GPATCH8: variants seen among roughly 807,000 people sequenced by gnomAD.
The protein encoded by GPATCH8 is G patch domain-containing protein 8.
A neutral mutation model predicts 118.3 loss-of-function variants in GPATCH8; 18 were observed. The observed-to-expected ratio is 0.15, with a 90% CI of 0.11 to 0.23. GPATCH8 has a LOEUF of 0.23. GPATCH8 is among the 10% of genes least tolerant of loss of function. GPATCH8 has a pLI of 1.00. For synonymous variants in GPATCH8, 659 were observed against 684.7 expected (o/e 0.96, Z 0.59); for missense variants, 1,631 against 1,873.8 (o/e 0.87, Z 2.39).
intron 3 of GPATCH8, among the ~76,000 whole-genome samples, chr17:44,437,409 C>T (rs771330583): frequency 6.6e-6 from 1 of 152,006 alleles, no homozygotes; most frequent in East Asian, 1.9e-4. Flanking sequence ...TACATCACAA[C>T]CTGCGCTTTT....
chr17:44,412,126 T>C (rs2049460985), intron 6 of GPATCH8, among the ~76,000 whole-genome samples: 3 of 152,124 alleles, frequency 2.0e-5, no homozygotes, highest in Admixed American at 6.5e-5. Context: ...TTTCTCCATG[T>C]TGGTCGGGAT....
chr17:44,453,673 C>G (rs946409970), intron 3 of GPATCH8, among the ~76,000 whole-genome samples: 6 of 152,036 alleles, frequency 3.9e-5, no homozygotes, highest in African/African-American at 1.4e-4. Context: ...TAAGGGTGCA[C>G]ATCACCATGC....
intron 6 of GPATCH8, among the ~76,000 whole-genome samples, chr17:44,417,707 T>A (rs1362150507): frequency 1.3e-5 from 2 of 152,158 alleles, no homozygotes; most frequent in African/African-American, 4.8e-5. Flanking sequence ...AGCATAGGCC[T>A]GAGTCACAAA....
At chr17:44,415,949 G>T (rs930992891) in intron 6 of GPATCH8, among the ~76,000 whole-genome samples, 4 of 152,200 alleles carry the variant, frequency 2.6e-5, no homozygotes, top group Non-Finnish European at 5.9e-5. Flanking sequence ...TGTTTTGAGG[G>T]TTACCCCTAA....
intron 3 of GPATCH8, among the ~76,000 whole-genome samples, chr17:44,453,392 A>T (rs898790007): frequency 3.9e-5 from 6 of 152,232 alleles, no homozygotes; most frequent in Admixed American, 2.6e-4. Context: ...GGGGCTTATT[A>T]TAAGATTTAA....
rs368095941 is a variant in GPATCH8, at chr17:44,450,645, T to C, written c.193+13827A>G. Among the ~76,000 whole-genome samples the C allele has an allele frequency of 4.6e-5, 7 of 152,240 alleles. No individual in the cohort carries two copies. The East Asian group carries it at 1.3e-3, about 29-fold the overall frequency. ...TTTCCGAGTGTTTTAAGTGCCATTGTTTTGAATTTTGGTGGTAAATTTTAA... is the reference window on the plus strand; with the variant it reads ...TTTCCGAGTGTTTTAAGTGCCATTGCTTTGAATTTTGGTGGTAAATTTTAA... On this transcript the variant is annotated intron_variant, in intron 3 of 7. Transcript: ENST00000591680.
chr17:44,447,243 C>T (rs1295695473), intron 3 of GPATCH8, among the ~76,000 whole-genome samples: 3 of 151,962 alleles, frequency 2.0e-5, no homozygotes, highest in East Asian at 1.9e-4. Flanking sequence ...CAACCTCTAC[C>T]TCCTGGGTTC....
chr17:44,501,451 TTAACAGGGGTTGGTTCTTTC>T (rs1970062923), intron 1 of GPATCH8, among the ~76,000 whole-genome samples: 1 of 151,972 alleles, frequency 6.6e-6, no homozygotes, highest in African/African-American at 2.4e-5. Flanking sequence ...CTGACCCAAT[TTAACAGGGGTTGGTTCTTTC>T]AACATATAAG....
chr17:44,400,366 G>C lies in GPATCH8; in HGVS notation c.1711C>G (p.Pro571Ala). 1 of 1,613,822 alleles carries C rather than the reference G, an allele frequency of 6.2e-7. No individual in the cohort carries two copies. The highest frequency in any genetic ancestry group is 2.2e-5 in the East Asian group (1 of 44,880). The change falls in exon 8 of 8, where the codon CCT becomes GCT. Residue 571 changes from proline (P) to alanine (A), a missense_variant. Physicochemically the swap from Pro to Ala is conservative, Grantham distance 27. Transcript: ENST00000591680. ...AEPSISYSCNPLYFDFKLSRN... is the reference protein window; with the variant it reads ...AEPSISYSCNALYFDFKLSRN... The stretch of plus-strand genomic sequence containing the variant: ...GAAAGTTTAAAGTCAAAATATAAAG[G>C]GTTACAACTGTATGAAATGGAGGGT...
intron 1 of GPATCH8, among the ~76,000 whole-genome samples, chr17:44,500,145 A>G (rs1969952497): frequency 6.6e-6 from 1 of 152,212 alleles, no homozygotes; most frequent in African/African-American, 2.4e-5. Flanking sequence ...TGATGACCCA[A>G]TTACAGCTAC....
At position 44,397,643 on chromosome 17, in the gene GPATCH8, T is replaced by C; in HGVS notation, c.4434A>G (p.Ala1478=). The C allele has an allele frequency of 6.2e-7, 1 of 1,613,486 alleles. No individual in the cohort carries two copies. Among genetic ancestry groups the C allele is most frequent in the South Asian group, 1.1e-5 (1 of 91,050 alleles). The change falls in exon 8 of 8, where the codon GCA becomes GCG. Residue 1478 remains alanine, a synonymous_variant. Transcript: ENST00000591680. ...APRPAAAAAT[A]LHLHPLLHPI... is the part of the protein sequence containing the mutation. ...GGTGAAGTAGTGGGTGAAGGTGAAGTGCAGTGGCAGCTGCTGCAGCAGGCC... is the reference window on the plus strand; with the variant it reads ...GGTGAAGTAGTGGGTGAAGGTGAAGCGCAGTGGCAGCTGCTGCAGCAGGCC...
intron 1 of GPATCH8, among the ~76,000 whole-genome samples, chr17:44,498,238 T>C (rs1969811495): frequency 6.6e-6 from 1 of 152,230 alleles, no homozygotes; most frequent in Non-Finnish European, 1.5e-5. Context: ...CCTGTTTTTC[T>C]ATCATTTTGA....
At chr17:44,428,650 A>C (rs1029687040) in intron 5 of GPATCH8, among the ~76,000 whole-genome samples, 1 of 151,786 alleles carries the variant, frequency 6.6e-6, no homozygotes, top group Non-Finnish European at 1.5e-5. Context: ...AAAAAATATA[A>C]AAATTAGCTG....
intron 2 of GPATCH8, chr17:44,474,438 A>G (rs1967566607): frequency 3.8e-6 from 1 of 260,582 alleles, no homozygotes; most frequent in South Asian, 4.4e-5. Flanking sequence ...ATTTCCATAC[A>G]TATTCTACTT....
chr17:44,439,662 T>C (rs1187041862), intron 3 of GPATCH8, among the ~76,000 whole-genome samples: 1 of 152,202 alleles, frequency 6.6e-6, no homozygotes, highest in African/African-American at 2.4e-5. Flanking sequence ...GTTTATTCAG[T>C]TGCTATCAAT....
intron 6 of GPATCH8, among the ~76,000 whole-genome samples, chr17:44,416,254 A>G (rs2049679686): frequency 6.6e-6 from 1 of 152,020 alleles, no homozygotes; most frequent in Non-Finnish European, 1.5e-5. Context: ...CACGTGATCC[A>G]TCCACCTCGG....
intron 1 of GPATCH8, among the ~76,000 whole-genome samples, chr17:44,489,147 A>G (rs1273386593): frequency 6.6e-6 from 1 of 152,142 alleles, no homozygotes; most frequent in African/African-American, 2.4e-5. Flanking sequence ...ATTAAGAGGA[A>G]AAAATCAAAC....
intron 3 of GPATCH8, among the ~76,000 whole-genome samples, chr17:44,460,679 T>C (rs890530541): frequency 2.6e-5 from 4 of 152,142 alleles, no homozygotes; most frequent in African/African-American, 7.2e-5. Flanking sequence ...AGTCCTAAAC[T>C]CAAATCAAAA....
chr17:44,490,227 G>T (rs906647388), intron 1 of GPATCH8, among the ~76,000 whole-genome samples: 11 of 152,014 alleles, frequency 7.2e-5, no homozygotes, highest in Non-Finnish European at 1.2e-4. Context: ...AGGATCCCTT[G>T]AGTCCAGGAG....
Sources: allele counts gnomAD v4.1 joint callset (sites outside exome capture counted in the v4.1 genomes callset), GRCh38; gene constraint gnomAD v4.1.1; transcripts MANE v1.5; gene names NCBI Gene and HGNC (gene_info 2026-07-23, HGNC 2026-07-21).